Variants in ZNF385B observed in about 807,000 individuals in gnomAD.
ZNF385B encodes the protein zinc finger protein 533.
Under a neutral mutation model 39.2 loss-of-function variants are expected in ZNF385B, and 23 were observed. The observed-to-expected ratio is 0.59, with a 90% CI of 0.42 to 0.83. The LOEUF is 0.83. Ranked by LOEUF, ZNF385B falls within the 40% of genes least tolerant of loss-of-function variation. The pLI is 0.00. For missense variants in ZNF385B, 552 were observed against 598.9 expected (o/e 0.92, Z 0.82); for synonymous variants, 205 against 222.6 (o/e 0.92, Z 0.70).
At chr2:179,523,267 T>C (rs1223580525) in intron 4 of ZNF385B, among the ~76,000 whole-genome samples, 1 of 151,802 alleles carries the variant, frequency 6.6e-6, no homozygotes, top group Non-Finnish European at 1.5e-5. Flanking sequence ...TTATATCATC[T>C]ATCATATTTT....
intron 3 of ZNF385B, among the ~76,000 whole-genome samples, chr2:179,752,655 TG>T (rs1415383771): frequency 6.6e-6 from 1 of 152,160 alleles, no homozygotes; most frequent in Non-Finnish European, 1.5e-5. Context: ...TATCTCATTG[TG>T]GTTTTGATTT....
At chr2:179,543,037 C>G (rs936434542) in intron 4 of ZNF385B, among the ~76,000 whole-genome samples, 6 of 152,032 alleles carry the variant, frequency 3.9e-5, no homozygotes, top group Admixed American at 3.9e-4. Context: ...TTTGGGAGGC[C>G]GAGGAGGGTG....
intron 6 of ZNF385B, among the ~76,000 whole-genome samples, chr2:179,461,110 A>T (rs1465709196): frequency 6.6e-6 from 1 of 152,208 alleles, no homozygotes; most frequent in Non-Finnish European, 1.5e-5. Flanking sequence ...AACAAGGACA[A>T]GAAAGTCAGT....
chr2:179,580,994 C>T (rs1430725757), intron 3 of ZNF385B, among the ~76,000 whole-genome samples: 1 of 152,184 alleles, frequency 6.6e-6, no homozygotes, highest in South Asian at 2.1e-4. Flanking sequence ...TCAGTATAAA[C>T]TACTTTCCCT....
chr2:179,659,070 C>G lies in ZNF385B; in HGVS notation c.298+110433G>C, dbSNP rs188787530. 5.8e-3 allele frequency among the ~76,000 whole-genome samples: 876 copies of G among 152,306 alleles called. 4 individuals are homozygous for G. Among genetic ancestry groups the G allele is most frequent in the Non-Finnish European group, 0.01 (686 of 68,030 alleles). The stretch of plus-strand genomic sequence containing the variant: ...GGGATTGCAGGCGCGAGCCACCATG[C>G]CTGGCCAAAATAGTGACATTCTTTA... On this transcript the variant is annotated intron_variant, in intron 3 of 9. Coordinates refer to ENST00000410066, the MANE Select transcript of ZNF385B (RefSeq NM_152520.6).
chr2:179,721,537 T>C (rs1445057699), intron 3 of ZNF385B, among the ~76,000 whole-genome samples: 3 of 152,112 alleles, frequency 2.0e-5, no homozygotes, highest in African/African-American at 7.2e-5. Context: ...ATTTCATTCT[T>C]CCTCATAACA....
At chr2:179,580,023 C>A (rs1686300702) in intron 3 of ZNF385B, among the ~76,000 whole-genome samples, 1 of 152,050 alleles carries the variant, frequency 6.6e-6, no homozygotes, top group South Asian at 2.1e-4. Flanking sequence ...ATTTGAAGGC[C>A]TGGAATGGAA....
intron 3 of ZNF385B, among the ~76,000 whole-genome samples, chr2:179,611,513 T>G (rs949131005): frequency 6.6e-6 from 1 of 152,252 alleles, no homozygotes. Flanking sequence ...CTGTTACTGA[T>G]GTGTCTTTGA....
At chr2:179,675,005 C>T (rs1559072601) in intron 3 of ZNF385B, among the ~76,000 whole-genome samples, 1 of 152,188 alleles carries the variant, frequency 6.6e-6, no homozygotes, top group Non-Finnish European at 1.5e-5. Context: ...CCCTTGAATA[C>T]TATGGGAGTT....
At chr2:179,529,489 A>G (rs1369022312) in intron 4 of ZNF385B, among the ~76,000 whole-genome samples, 1 of 152,176 alleles carries the variant, frequency 6.6e-6, no homozygotes, top group African/African-American at 2.4e-5. Context: ...AAGATCTGTA[A>G]CATCTTTCAA....
intron 3 of ZNF385B, among the ~76,000 whole-genome samples, chr2:179,656,730 G>T (rs1471557705): frequency 6.6e-6 from 1 of 151,926 alleles, no homozygotes; most frequent in Non-Finnish European, 1.5e-5. Flanking sequence ...TGTCTCCCAA[G>T]AAATTTTAAT....
intron 6 of ZNF385B, among the ~76,000 whole-genome samples, chr2:179,477,963 C>T (rs995195954): frequency 1.3e-5 from 2 of 152,210 alleles, no homozygotes; most frequent in Admixed American, 6.5e-5. Context: ...TGGTCCTACT[C>T]ATCAATTATT....
At chr2:179,459,357 G>C (rs1486790507) in intron 6 of ZNF385B, among the ~76,000 whole-genome samples, 2 of 152,170 alleles carry the variant, frequency 1.3e-5, no homozygotes, top group African/African-American at 4.8e-5. Flanking sequence ...GCTTGGTGGA[G>C]TGGAAAAGTA....
At chr2:179,505,376 A>G (rs2057164207) in intron 5 of ZNF385B, among the ~76,000 whole-genome samples, 1 of 152,120 alleles carries the variant, frequency 6.6e-6, no homozygotes, top group African/African-American at 2.4e-5. Flanking sequence ...GGCCTAAACA[A>G]TTTAAATTAC....
intron 3 of ZNF385B, among the ~76,000 whole-genome samples, chr2:179,696,333 T>TTTTTTG (rs1698755250): frequency 7.9e-6 from 1 of 125,994 alleles, no homozygotes; most frequent in Non-Finnish European, 1.7e-5. Flanking sequence ...GGACTTTTTT[T>TTTTTTG]TTTTTTTTTT....
chr2:179,465,520 G>C (rs768146464), intron 6 of ZNF385B, among the ~76,000 whole-genome samples: 2 of 152,150 alleles, frequency 1.3e-5, no homozygotes, highest in Non-Finnish European at 2.9e-5. Context: ...TAGTCCTCAC[G>C]TCAATTGATG....
chr2:179,450,923 A>G (rs1398799077), intron 6 of ZNF385B, among the ~76,000 whole-genome samples: 1 of 152,098 alleles, frequency 6.6e-6, no homozygotes, highest in Non-Finnish European at 1.5e-5. Flanking sequence ...TGCAGCCATA[A>G]AAAGTGATGA....
chr2:179,535,899 G>C (rs1238927302), intron 4 of ZNF385B, among the ~76,000 whole-genome samples: 5 of 152,176 alleles, frequency 3.3e-5, no homozygotes, highest in African/African-American at 1.2e-4. Flanking sequence ...CAACCCCCAA[G>C]GGATGTGAGA....
intron 3 of ZNF385B, among the ~76,000 whole-genome samples, chr2:179,695,547 A>G (rs1459257281): frequency 6.6e-6 from 1 of 152,216 alleles, no homozygotes; most frequent in Non-Finnish European, 1.5e-5. Flanking sequence ...AGATTTAAAC[A>G]GATATTTCCC....
Sources: allele counts gnomAD v4.1 joint callset (sites outside exome capture counted in the v4.1 genomes callset), GRCh38; gene constraint gnomAD v4.1.1; transcripts MANE v1.5; gene names NCBI Gene and HGNC (gene_info 2026-07-23, HGNC 2026-07-21).